The following TANK variants were observed in gnomAD, a reference collection of about 807,000 sequenced individuals.
TANK encodes the protein TRAF family member-associated NF-kappa-B activator.
A neutral mutation model predicts 43.6 loss-of-function variants in TANK; 15 were observed. The observed-to-expected ratio is 0.34, with a 90% CI of 0.23 to 0.53. TANK has a LOEUF of 0.53. Among genes scored for constraint, TANK ranks in the 20% least tolerant of loss-of-function variants. The pLI is 0.94. For synonymous variants in TANK, 162 were observed against 178.2 expected (o/e 0.91, Z 0.73); for missense variants, 417 against 498.6 (o/e 0.84, Z 1.56).
intron 4 of TANK, among the ~76,000 whole-genome samples, chr2:161,219,178 G>A (rs543434285): frequency 1.5e-4 from 23 of 152,180 alleles, no homozygotes; most frequent in African/African-American, 2.2e-4. Context: ...TGATAGAATT[G>A]AAATTACAGT....
chr2:161,216,443 G>A (rs775657912), intron 4 of TANK: 20 of 468,254 alleles, frequency 4.3e-5, no homozygotes, highest in East Asian at 2.8e-4. Context: ...ATCCTGAGCC[G>A]TAAGCATAAA....
At chr2:161,191,201 A>G (rs1449457151) in intron 2 of TANK, among the ~76,000 whole-genome samples, 1 of 152,206 alleles carries the variant, frequency 6.6e-6, no homozygotes, top group East Asian at 1.9e-4. Flanking sequence ...AAGTATTCCA[A>G]ATTGATAAGG....
chr2:161,193,848 T>C (rs920739595), intron 2 of TANK, among the ~76,000 whole-genome samples: 3 of 152,164 alleles, frequency 2.0e-5, no homozygotes, highest in African/African-American at 7.2e-5. Context: ...CTGGTAAATA[T>C]ATCCTCTAGC....
Position 161,173,846 on chromosome 2 carries a change from A to G in TANK, c.-49-5768A>G, listed in dbSNP as rs566530924. Among the ~76,000 whole-genome samples the G allele has an allele frequency of 3.4e-4, 51 of 152,234 alleles. 2 individuals are homozygous for G. The South Asian group carries it at 0.01, about 31-fold the overall frequency. On this transcript the variant is annotated intron_variant, in intron 1 of 7. Coordinates refer to ENST00000392749, the MANE Select transcript of TANK (RefSeq NM_001199135.3). The stretch of plus-strand genomic sequence containing the variant: ...CAGGATACAGCTCAGTTCCTCCTTT[A>G]GAGACCCACAAAACAGTGGTTAAAC...
At chr2:161,219,636 A>AT (rs1559003776) in intron 4 of TANK, 2 of 367,750 alleles carry the variant, frequency 5.4e-6, no homozygotes, top group Non-Finnish European at 1.1e-5. Flanking sequence ...TTCTTATCAA[A>AT]TATCTTTTTG....
chr2:161,207,340 A>G (rs1039685245), intron 4 of TANK: 1 of 932,416 alleles, frequency 1.1e-6, no homozygotes, highest in African/African-American at 1.8e-5. Flanking sequence ...AGTTCTCTTA[A>G]TTATCTTTAC....
chr2:161,231,094 G>A lies in TANK; in HGVS notation c.644G>A (p.Arg215Lys). 1 of 1,614,110 alleles carries A rather than the reference G, an allele frequency of 6.2e-7. No individual in the cohort carries two copies. Among genetic ancestry groups the A allele is most frequent in the Non-Finnish European group, 8.5e-7 (1 of 1,180,000 alleles). The change falls in exon 7 of 8, where the codon AGA becomes AAA. Residue 215 changes from arginine (R) to lysine (K), a missense_variant. Physicochemically the swap from Arg to Lys is conservative, Grantham distance 26 (BLOSUM62 2). Coordinates refer to ENST00000392749, the MANE Select transcript of TANK (RefSeq NM_001199135.3). ...GAPSITSVTP[R>K]GLCRDEEDTS... Reference sequence around the variant, plus strand: ...CCATCCATCACATCTGTCACACCAAGAGGACTGTGCAGAGATGAGGAAGAC... The same window carrying A: ...CCATCCATCACATCTGTCACACCAAAAGGACTGTGCAGAGATGAGGAAGAC...
At chr2:161,204,057 GATA>G (rs1686538293) in intron 3 of TANK, among the ~76,000 whole-genome samples, 1 of 152,122 alleles carries the variant, frequency 6.6e-6, no homozygotes, top group Non-Finnish European at 1.5e-5. Context: ...GAAAAGTGAT[GATA>G]ATAGGTATTA....
chr2:161,171,901 T>A (rs1168463097), intron 1 of TANK, among the ~76,000 whole-genome samples: 1 of 152,010 alleles, frequency 6.6e-6, no homozygotes, highest in Non-Finnish European at 1.5e-5. Context: ...ACTGAAAATA[T>A]TTTTTTTCAA....
At position 161,235,782 on chromosome 2, in the gene TANK, C is replaced by A; in HGVS notation, c.*264C>A. On this transcript the variant is annotated 3_prime_UTR_variant, in exon 8 of 8. Transcript: ENST00000392749. ...ATCCTTTGTATTCATGTTTACAGTG[C>A]TATTACTATAATTCAAAATTATGTA... 1 of 237,534 alleles carries A rather than the reference C, an allele frequency of 4.2e-6. No individual in the cohort carries two copies. Among genetic ancestry groups the A allele is most frequent in the Non-Finnish European group, 8.0e-6 (1 of 124,952 alleles). 14.7% of individuals were successfully genotyped at this position (237,534 alleles called of 1,614,324 possible). A position where few individuals can be genotyped will look rare whatever the true frequency, so the allele number is the denominator to read the frequency against.
intron 7 of TANK, among the ~76,000 whole-genome samples, chr2:161,234,423 A>G (rs917620764): frequency 1.3e-5 from 2 of 152,250 alleles, no homozygotes; most frequent in African/African-American, 4.8e-5. Context: ...AATTTTAAAA[A>G]ATAATTTGGT....
rs895102770 is a variant in TANK at position 161,179,022 on chromosome 2, G to C, written c.-49-592G>C. ...AAACAGCAGGGAAGTTGGAAAACTA[G>C]TCGGTAGTGGGGGTAGGACTGAAGG... is the stretch of plus-strand genomic sequence containing the variant. On this transcript the variant is annotated intron_variant, in intron 1 of 7. Transcript: ENST00000392749. Among the ~76,000 whole-genome samples, 9 of 152,270 alleles carry C rather than the reference G, an allele frequency of 5.9e-5. No homozygotes were observed. The East Asian group carries it at 1.7e-3, about 29-fold the overall frequency.
chr2:161,163,516 T>C (rs1156501901), intron 1 of TANK: 1 of 152,204 alleles, frequency 6.6e-6, no homozygotes, highest in East Asian at 1.9e-4. Context: ...TCAGTTATGT[T>C]ACAGAAGCAA....
chr2:161,192,174 A>G (rs1236044900), intron 2 of TANK, among the ~76,000 whole-genome samples: 3 of 152,086 alleles, frequency 2.0e-5, no homozygotes, highest in African/African-American at 7.2e-5. Context: ...TTATATTCCT[A>G]GTCCAGACCT....
At chr2:161,196,191 A>G (rs1686140266) in intron 2 of TANK, among the ~76,000 whole-genome samples, 1 of 152,230 alleles carries the variant, frequency 6.6e-6, no homozygotes, top group African/African-American at 2.4e-5. Flanking sequence ...TAAGAGCACC[A>G]TATACTGAGA....
intron 2 of TANK, among the ~76,000 whole-genome samples, chr2:161,195,395 C>G (rs1686100476): frequency 6.6e-6 from 1 of 152,080 alleles, no homozygotes; most frequent in Admixed American, 6.5e-5. Context: ...GGGACTTGAC[C>G]TAATCCAGCA....
intron 6 of TANK, among the ~76,000 whole-genome samples, chr2:161,225,947 C>T (rs1321883431): frequency 6.6e-6 from 1 of 152,102 alleles, no homozygotes; most frequent in Non-Finnish European, 1.5e-5. Flanking sequence ...TCCCCAAAAA[C>T]AACTCTTTTC....
Position 161,219,046 on chromosome 2 carries a change from A to T in TANK, c.328-4869A>T, listed in dbSNP as rs180888920. ...TTTTGCATTAAAAAAGCATGTCCAC[A>T]ATTAAATATTTCTTCCCTTTAAAGA... is the stretch of plus-strand genomic sequence containing the variant. On this transcript the variant is annotated intron_variant, in intron 4 of 7. Transcript: ENST00000392749. Among the ~76,000 whole-genome samples, 33 of 152,354 alleles carry T rather than the reference A, an allele frequency of 2.2e-4. 1 individual carries two copies. In the South Asian group the frequency reaches 6.2e-3, roughly 29 times the overall value.
intron 1 of TANK, chr2:161,137,373 T>C (rs1158647772): frequency 1.3e-5 from 4 of 313,856 alleles, no homozygotes; most frequent in Non-Finnish European, 1.8e-5. Context: ...AATAAATAAA[T>C]AAGTAAATAA....
Sources: allele counts gnomAD v4.1 joint callset (sites outside exome capture counted in the v4.1 genomes callset), GRCh38; gene constraint gnomAD v4.1.1; transcripts MANE v1.5; gene names NCBI Gene and HGNC (gene_info 2026-07-23, HGNC 2026-07-21).